SKA2: variants seen among roughly 807,000 people sequenced by gnomAD.
The protein encoded by SKA2 is spindle and kinetochore associated complex subunit 2, also known as spindle and kinetochore-associated protein 2.
Under a neutral mutation model 16.9 loss-of-function variants are expected in SKA2, and 13 were observed. The observed-to-expected ratio is 0.77, with a 90% CI of 0.50 to 1.22. SKA2 has a LOEUF of 1.22. Ranked by LOEUF, SKA2 falls within the 50% of genes most tolerant of loss-of-function variation. SKA2 has a pLI of 0.00. For synonymous variants in SKA2, 47 were observed against 48.5 expected (o/e 0.97, Z 0.13); for missense variants, 107 against 139.7 (o/e 0.77, Z 1.18).
intron 1 of SKA2, among the ~76,000 whole-genome samples, chr17:59,145,628 A>G (rs140190995): frequency 4.6e-5 from 7 of 152,182 alleles, no homozygotes; most frequent in African/African-American, 1.7e-4. Context: ...ATTAGTCAAC[A>G]TATTTATCTG....
intron 1 of SKA2, among the ~76,000 whole-genome samples, chr17:59,154,532 C>T (rs2147826337): frequency 6.6e-6 from 1 of 152,332 alleles, no homozygotes; most frequent in East Asian, 1.9e-4. Flanking sequence ...GGTTACGATC[C>T]CCTTCGCTCA....
intron 3 of SKA2, among the ~76,000 whole-genome samples, chr17:59,115,112 A>G (rs1223225551): frequency 1.4e-5 from 2 of 140,000 alleles, no homozygotes; most frequent in African/African-American, 5.4e-5. Flanking sequence ...CCCAGGCTGG[A>G]GCGCAATCTC....
rs758187008 is a variant in SKA2, at chr17:59,148,808, C to CAAAAAAAAAAAA, written c.33+6311_33+6322dup. Among the ~76,000 whole-genome samples the CAAAAAAAAAAAA allele has an allele frequency of 5.1e-3, 239 of 47,016 alleles. 1 individual carries two copies. Among genetic ancestry groups the CAAAAAAAAAAAA allele is most frequent in the East Asian group, 0.011 (17 of 1,600 alleles). The allele number at this position is 47,016 out of a possible 152,430, so 30.8% of individuals were successfully genotyped here. On this transcript the variant is annotated intron_variant, in intron 1 of 3. Transcript: ENST00000330137. ...TGGGTAATAGAACAAGACCCTGTCT[C>CAAAAAAAAAAAA]AAAAAAAAAAAAAAAAAAAAAAGAA...
intron 1 of SKA2, among the ~76,000 whole-genome samples, chr17:59,138,747 T>C (rs543721226): frequency 6.6e-6 from 1 of 152,182 alleles, no homozygotes; most frequent in African/African-American, 2.4e-5. Context: ...TAGTCTAGTT[T>C]TCAATATGAC....
chr17:59,139,019 A>T (rs1201532105), intron 1 of SKA2, among the ~76,000 whole-genome samples: 1 of 152,184 alleles, frequency 6.6e-6, no homozygotes, highest in Non-Finnish European at 1.5e-5. Context: ...AGTGAAAAAA[A>T]GTATTTCAGT....
chr17:59,128,045 G>A (rs559206328), intron 2 of SKA2, among the ~76,000 whole-genome samples: 2 of 151,786 alleles, frequency 1.3e-5, no homozygotes, highest in African/African-American at 2.4e-5. Flanking sequence ...GTGAAACCCT[G>A]TCTCTACTGA....
intron 3 of SKA2, among the ~76,000 whole-genome samples, chr17:59,114,561 G>T (rs2046284179): frequency 6.6e-6 from 1 of 152,104 alleles, no homozygotes; most frequent in African/African-American, 2.4e-5. Flanking sequence ...AATCTTCTGG[G>T]ACCACTGTCA....
chr17:59,129,358 T>TACACACAC (rs57908900), intron 2 of SKA2: 29,635 of 136,652 alleles, frequency 0.22, 3,414 homozygotes, highest in African/African-American at 0.26. Flanking sequence ...TAAACACACA[T>TACACACAC]ACACACACAC....
rs966746330 is a variant in SKA2, at chr17:59,154,864, G to A, written c.33+267C>T. 7.7e-5 allele frequency: 109 copies of A among 1,408,456 alleles called. 1 individual carries two copies. In the East Asian group the frequency reaches 2.5e-3, roughly 32 times the overall value. The allele number at this position is 1,408,456 out of a possible 1,614,324, so 87.2% of individuals were successfully genotyped here. A position where few individuals can be genotyped will look rare whatever the true frequency, so the allele number is the denominator to read the frequency against. On this transcript the variant is annotated intron_variant, in intron 1 of 3. Transcript: ENST00000330137. The stretch of plus-strand genomic sequence containing the variant: ...GGCGCAGTTTCGTAAGGGGTGTAAA[G>A]GTGAGGGCAAGGAACAAGGAATTCC...
intron 1 of SKA2, among the ~76,000 whole-genome samples, chr17:59,142,939 A>AG (rs2046503560): frequency 6.9e-6 from 1 of 144,548 alleles, no homozygotes; most frequent in Non-Finnish European, 1.5e-5. Context: ...AAAAAAAAAA[A>AG]AAAAAAAAAA....
chr17:59,119,254 T>A (rs1381835007), intron 3 of SKA2, 65 bp downstream of exon 3: 1 of 1,540,356 alleles, frequency 6.5e-7, no homozygotes, highest in South Asian at 1.2e-5. Flanking sequence ...ACATCAGGTT[T>A]ATTTTTCAAA....
intron 1 of SKA2, among the ~76,000 whole-genome samples, chr17:59,154,434 A>C (rs546373509): frequency 3.3e-5 from 5 of 152,118 alleles, no homozygotes; most frequent in African/African-American, 1.2e-4. Context: ...CCCGTTTTCT[A>C]CTTTCACAGA....
chr17:59,117,679 C>T (rs1395157292), intron 3 of SKA2, among the ~76,000 whole-genome samples: 7 of 151,708 alleles, frequency 4.6e-5, no homozygotes, highest in Non-Finnish European at 5.9e-5. Context: ...CCTGCCTTGG[C>T]CTCCCAAAGT....
At chr17:59,152,854 G>T (rs1305240883) in intron 1 of SKA2, among the ~76,000 whole-genome samples, 1 of 143,664 alleles carries the variant, frequency 7.0e-6, no homozygotes. Context: ...CTAATAACCT[G>T]AAAGGAAAAA....
Position 59,121,256 on chromosome 17 carries a change from G to A in SKA2, c.121-1761C>T, listed in dbSNP as rs150718914. 9.8e-4 allele frequency among the ~76,000 whole-genome samples: 149 copies of A among 152,012 alleles called. 2 individuals are homozygous for A. The highest frequency in any genetic ancestry group is 3.4e-3 in the African/African-American group (141 of 41,478). On this transcript the variant is annotated intron_variant, in intron 2 of 3. Coordinates refer to ENST00000330137, the MANE Select transcript of SKA2 (RefSeq NM_182620.4). ...TTCTGTGTAATCTTCCTCAGGAAGCGTCTAAATGATATACTTCCAGATCAA... is the reference window on the plus strand; with the variant it reads ...TTCTGTGTAATCTTCCTCAGGAAGCATCTAAATGATATACTTCCAGATCAA...
intron 1 of SKA2, among the ~76,000 whole-genome samples, chr17:59,144,534 G>A (rs1026211729): frequency 8.5e-5 from 13 of 152,130 alleles, no homozygotes; most frequent in Admixed American, 7.9e-4. Flanking sequence ...GGGATGAATG[G>A]ATAAGTAAAA....
Position 59,112,215 on chromosome 17 carries a change from T to A in SKA2, c.*62A>T, listed in dbSNP as rs575350600. 7.2e-7 allele frequency: 1 copy of A among 1,396,252 alleles called. No homozygotes were observed. Among genetic ancestry groups the A allele is most frequent in the African/African-American group, 1.4e-5 (1 of 69,654 alleles). 86.5% of individuals were successfully genotyped at this position (1,396,252 alleles called of 1,614,324 possible). On this transcript the variant is annotated 3_prime_UTR_variant, in exon 4 of 4. Transcript: ENST00000330137. ...AGACATCAAGGGTTAACAAGACATC[T>A]TCCTAAATTTCTCCGGAATTAAGCT...
At chr17:59,123,278 G>C (rs1484667929) in intron 2 of SKA2, among the ~76,000 whole-genome samples, 1 of 140,778 alleles carries the variant, frequency 7.1e-6, no homozygotes, top group African/African-American at 2.7e-5. Flanking sequence ...GTTAGAATTG[G>C]CTGGGTGTGA....
In SKA2 at chr17:59,155,146, A is replaced by T. The variant is rs1326412904; in HGVS notation, c.18T>A (p.Asp6Glu). ...TTGCACTCACCATCAGTTCCAGCTT[A>T]TCGACCTCCGCCTCCATGTTGAATA... MEAEV[D>E]KLELMFQKAE... The change falls in exon 1 of 4, where the codon GAT becomes GAA. Residue 6 changes from aspartate (D) to glutamate (E), a missense_variant. Transcript: ENST00000330137. 6.2e-7 allele frequency: 1 copy of T among 1,613,986 alleles called. No homozygotes were observed. The highest frequency in any genetic ancestry group is 2.2e-5 in the East Asian group (1 of 44,860).
Sources: allele counts gnomAD v4.1 joint callset (sites outside exome capture counted in the v4.1 genomes callset), GRCh38; gene constraint gnomAD v4.1.1; transcripts MANE v1.5; gene names NCBI Gene and HGNC (gene_info 2026-07-23, HGNC 2026-07-21).